NAB2: variants seen among roughly 807,000 people sequenced by gnomAD.
NAB2 encodes NGFI-A binding protein 2.
In NAB2, 9 loss-of-function variants were observed where a neutral mutation model predicts 44.2. The ratio of observed to expected loss-of-function variants is 0.20; its 90% CI spans 0.12 to 0.36. NAB2 has a LOEUF of 0.36. Ranked by LOEUF, NAB2 falls within the 10% of genes least tolerant of loss-of-function variation. The probability of loss-of-function intolerance (pLI) is 1.00; values close to 1 mark genes in which losing one functional copy is unlikely to be tolerated. For missense variants in NAB2, 514 were observed against 709.0 expected, an observed-to-expected ratio of 0.73 and a Z score of 3.12; for synonymous variants, 342 against 291.0, an observed-to-expected ratio of 1.18 and a Z score of -1.78.
Position 57,094,859 on chromosome 12 carries a change from G to T in NAB2, c.*138G>T. The T allele has an allele frequency of 1.5e-6, 1 of 674,120 alleles. No homozygotes were observed. The highest frequency in any genetic ancestry group is 2.5e-6 in the Non-Finnish European group (1 of 400,340). 41.8% of individuals were successfully genotyped at this position (674,120 alleles called of 1,614,324 possible). Reference sequence around the variant, plus strand: ...TCCTGCCTCCCCACCTGCTCCATGGGCATAAGACTGTGGGGCTTCAAGCAA... The same window carrying T: ...TCCTGCCTCCCCACCTGCTCCATGGTCATAAGACTGTGGGGCTTCAAGCAA... On this transcript the variant is annotated 3_prime_UTR_variant, in exon 7 of 7. Transcript: ENST00000300131.
intron 6 of NAB2, among the ~76,000 whole-genome samples, 169 bp downstream of exon 6, chr12:57,093,767 C>T (rs1200344975): frequency 1.3e-5 from 2 of 152,176 alleles, no homozygotes; most frequent in African/African-American, 4.8e-5. Context: ...GAGGCAGACC[C>T]TGCCGAGCTG....
intron 3 of NAB2, 101 bp downstream of exon 3, chr12:57,092,682 C>T: frequency 1.4e-6 from 2 of 1,464,220 alleles, no homozygotes; most frequent in Non-Finnish European, 1.9e-6. Context: ...TGCTTCCCGC[C>T]CACCTGGATG....
chr12:57,091,624 G>C lies in NAB2; in HGVS notation c.583G>C (p.Val195Leu), dbSNP rs145415310. The part of the protein sequence containing the change: ...WPGRSTPESD[V>L]GAGGEEEAGS... ...AGGCCGGAGCACTCCAGAGTCGGACGTTGGGGCAGGAGGAGAAGAGGAGGC... is the reference window on the plus strand; with the variant it reads ...AGGCCGGAGCACTCCAGAGTCGGACCTTGGGGCAGGAGGAGAAGAGGAGGC... Residue 195 changes from valine to leucine, a missense_variant, in exon 2 of 7, where the codon GTT (valine) becomes CTT (leucine). By Grantham distance (32) the Val-to-Leu change is conservative (BLOSUM62 1). This residue lies in a region of NAB2 where 177 missense variants were observed against 200.5 expected (regional missense o/e 0.88). Transcript: ENST00000300131. This position sits in a 1 kb window ranked among gnomAD's most constrained non-coding sequence, Gnocchi z 7.3. 1.2e-6 allele frequency: 2 copies of C among 1,604,674 alleles called. No individual in the cohort carries two copies. Among genetic ancestry groups the C allele is most frequent in the Admixed American group, 3.4e-5 (2 of 59,284 alleles).
chr12:57,089,399 C>A, intron 1 of NAB2, 45 bp downstream of exon 1: 1 of 1,325,340 alleles, frequency 7.5e-7, no homozygotes, highest in East Asian at 4.4e-5. Flanking sequence ...ATGGGTGGAG[C>A]TGGACTTGGG....
At chr12:57,094,267 G>T (rs1330820106) in intron 6 of NAB2, among the ~76,000 whole-genome samples, 1 of 136,108 alleles carries the variant, frequency 7.3e-6, no homozygotes, top group African/African-American at 2.7e-5. Flanking sequence ...GGGGGCCAGG[G>T]ATGAGTGGGG....
In NAB2 at chr12:57,091,551, A is replaced by G. The variant is rs2033183494; in HGVS notation, c.510A>G (p.Leu170=). The G allele has an allele frequency of 1.2e-6, 2 of 1,611,726 alleles. No individual in the cohort carries two copies. The highest frequency in any genetic ancestry group is 1.3e-5 in the African/African-American group (1 of 75,032). Residue 170 remains leucine (L), a synonymous_variant, in exon 2 of 7, where the codon CTA becomes CTG. Coordinates refer to ENST00000300131, the MANE Select transcript of NAB2 (RefSeq NM_005967.4). The surrounding 1 kb of genome is among the most constrained non-coding windows in gnomAD (Gnocchi z 7.3). ...PKSPLELGEK[L]SPLPGGPGAG... is the part of the protein sequence containing the mutation. ...GCCCCCTTGAACTTGGAGAGAAGCT[A>G]TCACCACTGCCTGGGGGACCTGGGG...
chr12:57,091,584 C>T lies in NAB2; in HGVS notation c.543C>T (p.Asp181=), dbSNP rs772399002. The T allele has an allele frequency of 1.2e-6, 2 of 1,605,088 alleles. No individual in the cohort carries two copies. The highest frequency in any genetic ancestry group is 2.7e-5 in the African/African-American group (2 of 74,726). The part of the protein sequence containing the change: ...SPLPGGPGAG[D]PRIWPGRSTP... ...TGCCTGGGGGACCTGGGGCAGGGGA[C>T]CCCCGGATCTGGCCAGGCCGGAGCA... The change falls in exon 2 of 7, where the codon GAC becomes GAT. Residue 181 remains aspartate (D), a synonymous_variant. Transcript: ENST00000300131. This position sits in a 1 kb window ranked among gnomAD's most constrained non-coding sequence, Gnocchi z 7.3.
In NAB2 at chr12:57,091,158, G is replaced by T; in HGVS notation, c.117G>T (p.Thr39=). The change falls in exon 2 of 7, where the codon ACG becomes ACT. Residue 39 remains threonine, a synonymous_variant. Coordinates refer to ENST00000300131, the MANE Select transcript of NAB2 (RefSeq NM_005967.4). The surrounding 1 kb of genome is among the most constrained non-coding windows in gnomAD (Gnocchi z 7.3). ...CCCGAGCCATGGCACTGCCTCGGAC[G>T]CTGGGGGAGCTGCAGCTGTACCGGG... ...PSARAMALPR[T]LGELQLYRVL... is the part of the protein sequence containing the mutation. 1 of 1,529,918 alleles carries T rather than the reference G, an allele frequency of 6.5e-7. No homozygotes were observed. Among genetic ancestry groups the T allele is most frequent in the Non-Finnish European group, 8.8e-7 (1 of 1,136,112 alleles). 94.8% of individuals were successfully genotyped at this position (1,529,918 alleles called of 1,614,324 possible). A position where few individuals can be genotyped will look rare whatever the true frequency, so the allele number is the denominator to read the frequency against.
At chr12:57,093,366 T>C (rs1233682641) in intron 5 of NAB2, 41 bp from the exon 6 acceptor site, 3 of 1,495,158 alleles carry the variant, frequency 2.0e-6, no homozygotes, top group Non-Finnish European at 2.7e-6. Context: ...GGGGGTTCCA[T>C]TGGCTGCAGC....
Position 57,093,283 on chromosome 12 carries a change from C to G in NAB2, c.1276+88C>G, listed in dbSNP as rs535247798. The G allele has an allele frequency of 7.2e-4, 1,076 of 1,489,382 alleles. 1 individual carries two copies. The highest frequency in any genetic ancestry group is 1.5e-3 in the South Asian group (110 of 74,804). The allele number at this position is 1,489,382 out of a possible 1,614,324, so 92.3% of individuals were successfully genotyped here. On this transcript the variant is annotated intron_variant, in intron 5 of 6. Transcript: ENST00000300131. ...GGGAGGAGTGAGCCAGGAGGCAGTG[C>G]CTGAAACAGGGTTGGGAGACCTGGC... is the stretch of plus-strand genomic sequence containing the variant.
At position 57,089,369 on chromosome 12, in the gene NAB2, G is replaced by A. The variant is rs1268192471; in HGVS notation, c.83+15G>A. Reference sequence around the variant, plus strand: ...CCCAGACTCAAGTTAGTGGGCAAAGGGAGGCAGCGGGGAGTGGAGATGGGT... The same window carrying A: ...CCCAGACTCAAGTTAGTGGGCAAAGAGAGGCAGCGGGGAGTGGAGATGGGT... On this transcript the variant is annotated intron_variant, in intron 1 of 6. Coordinates refer to ENST00000300131, the MANE Select transcript of NAB2 (RefSeq NM_005967.4). The A allele has an allele frequency of 1.3e-6, 2 of 1,560,850 alleles. No homozygotes were observed. Among genetic ancestry groups the A allele is most frequent in the Non-Finnish European group, 1.7e-6 (2 of 1,152,318 alleles).
chr12:57,093,041 T>TC, intron 4 of NAB2, 22 bp from the exon 5 acceptor site: 1 of 1,613,902 alleles, frequency 6.2e-7, no homozygotes, highest in Non-Finnish European at 8.5e-7. Flanking sequence ...GGTCTTCATT[T>TC]CCCCATGTTG....
intron 3 of NAB2, among the ~76,000 whole-genome samples, 154 bp from the exon 4 acceptor site, chr12:57,092,763 C>T (rs915583704): frequency 1.3e-5 from 2 of 152,224 alleles, no homozygotes; most frequent in African/African-American, 4.8e-5. Context: ...TCCCCCCAAC[C>T]CCCTACAACA....
chr12:57,089,642 G>A (rs2033132895), intron 1 of NAB2, among the ~76,000 whole-genome samples: 1 of 152,092 alleles, frequency 6.6e-6, no homozygotes, highest in African/African-American at 2.4e-5. Flanking sequence ...GAGCCTCCAA[G>A]CACCAGGGGA....
At chr12:57,089,778 A>AG (rs1442141628) in intron 1 of NAB2, among the ~76,000 whole-genome samples, 46 of 141,598 alleles carry the variant, frequency 3.2e-4, no homozygotes, top group African/African-American at 1.2e-3. Context: ...AGCGGGGGAA[A>AG]GGGGGGGTGA....
Position 57,089,209 on chromosome 12 carries a change from G to C in NAB2, c.-63G>C. The C allele has an allele frequency of 2.0e-6, 3 of 1,503,846 alleles. No individual in the cohort carries two copies. The highest frequency in any genetic ancestry group is 2.4e-5 in the South Asian group (2 of 83,028). The allele number at this position is 1,503,846 out of a possible 1,614,324, so 93.2% of individuals were successfully genotyped here. A position where few individuals can be genotyped will look rare whatever the true frequency, so the allele number is the denominator to read the frequency against. On this transcript the variant is annotated 5_prime_UTR_variant, in exon 1 of 7. Transcript: ENST00000300131. ...GGCATCGTGCGCGGGGAAGAGGGCA[G>C]CACGCAGCAGGCGCCGAGCGCCGGG...
In NAB2 at chr12:57,093,047, T is replaced by C. The variant is rs1055963881; in HGVS notation, c.1144-16T>C. The C allele has an allele frequency of 2.5e-6, 4 of 1,613,714 alleles. No homozygotes were observed. Among genetic ancestry groups the C allele is most frequent in the Non-Finnish European group, 2.5e-6 (3 of 1,179,860 alleles). ...CCCTTGGCAGGTCTTCATTTCCCCA[T>C]GTTGGGCATCCACAGGTTGGAGAAC... On this transcript the variant is annotated splice_polypyrimidine_tract_variant and intron_variant, in intron 4 of 6. Transcript: ENST00000300131.
rs1449025010 is a variant in NAB2, at chr12:57,094,376, GAGAGAA to G, written c.1469-230_1469-225del. ...AATTCCAGCGCAACCGAGGAGGCGG[GAGAGAA>G]AGAGAGAGAGACAGACAGAGACAGA... is the stretch of plus-strand genomic sequence containing the variant. On this transcript the variant is annotated intron_variant, in intron 6 of 6. Coordinates refer to ENST00000300131, the MANE Select transcript of NAB2 (RefSeq NM_005967.4). Among the ~76,000 whole-genome samples the G allele has an allele frequency of 4.6e-5, 7 of 152,044 alleles. No individual in the cohort carries two copies. The East Asian group carries it at 1.4e-3, about 30-fold the overall frequency.
chr12:57,091,387 C>A lies in NAB2; in HGVS notation c.346C>A (p.Pro116Thr), dbSNP rs1276495659. Residue 116 changes from proline (P) to threonine (T), a missense_variant, in exon 2 of 7, where the codon CCA (proline) becomes ACA (threonine). Coordinates refer to ENST00000300131, the MANE Select transcript of NAB2 (RefSeq NM_005967.4). This position sits in a 1 kb window ranked among gnomAD's most constrained non-coding sequence, Gnocchi z 7.3. ...WATNPGLFSQ[P>T]VPAVPVSSIP... ...CACCAATCCAGGGCTCTTCAGTCAA[C>A]CAGTGCCTGCTGTTCCCGTCTCCAG... 3 of 1,614,206 alleles carry A rather than the reference C, an allele frequency of 1.9e-6. No homozygotes were observed. Among genetic ancestry groups the A allele is most frequent in the African/African-American group, 1.3e-5 (1 of 75,042 alleles).
Sources: allele counts gnomAD v4.1 joint callset (sites outside exome capture counted in the v4.1 genomes callset), GRCh38; gene constraint gnomAD v4.1.1; regional missense constraint gnomAD v4.1.1; non-coding constraint Gnocchi (gnomAD v3.1); transcripts MANE v1.5; gene names NCBI Gene and HGNC (gene_info 2026-07-23, HGNC 2026-07-21).